Variants in PFKFB1 observed in about 807,000 individuals in gnomAD.
PFKFB1 encodes the protein 6-phosphofructo-2-kinase/fructose-2,6-biphosphatase 1.
In PFKFB1, 34 loss-of-function variants were observed where a neutral mutation model predicts 46.4. The observed-to-expected ratio is 0.73, with a 90% CI of 0.56 to 0.98. The LOEUF is 0.98. Among genes scored for constraint, PFKFB1 ranks in the 50% least tolerant of loss-of-function variants. The pLI, the probability that PFKFB1 is intolerant of heterozygous loss-of-function variation, is 0.00. For missense variants in PFKFB1, 393 were observed against 376.3 expected (o/e 1.04, Z -0.37); for synonymous variants, 119 against 133.8 (o/e 0.89, Z 0.76).
intron 1 of PFKFB1, among the ~76,000 whole-genome samples, chrX:54,981,674 C>A (rs1229925882): frequency 9.0e-6 from 1 of 111,592 alleles, no homozygotes; most frequent in African/African-American, 3.2e-5. Context: ...GTGTGTCAAA[C>A]TAAGCCAACA....
At chrX:54,936,573 C>T (rs1310343852) in intron 11 of PFKFB1, among the ~76,000 whole-genome samples, 3 of 111,632 alleles carry the variant, frequency 2.7e-5, no homozygotes, top group African/African-American at 9.8e-5. Flanking sequence ...CCCATTTCCT[C>T]ATCTGGACAA....
At chrX:54,973,273 G>A (rs372634986) in intron 1 of PFKFB1, among the ~76,000 whole-genome samples, 25 of 110,693 alleles carry the variant, frequency 2.3e-4, no homozygotes, top group East Asian at 1.7e-3. Flanking sequence ...CAATTTTGTT[G>A]ATCCTTTCAA....
At chrX:54,964,998 GA>G (rs1934435427) in intron 1 of PFKFB1, among the ~76,000 whole-genome samples, 4 of 110,779 alleles carry the variant, frequency 3.6e-5, no homozygotes, top group Non-Finnish European at 3.8e-5. Flanking sequence ...AATGCAAAGA[GA>G]AAAAAAGAGC....
intron 1 of PFKFB1, among the ~76,000 whole-genome samples, chrX:54,987,410 G>A (rs973775359): frequency 8.1e-5 from 9 of 111,171 alleles, no homozygotes; most frequent in Admixed American, 6.7e-4. Flanking sequence ...AGTAGAAGAG[G>A]AAGAAGCACT....
intron 1 of PFKFB1, among the ~76,000 whole-genome samples, chrX:54,974,268 G>C (rs1808569023): frequency 8.9e-6 from 1 of 112,091 alleles, no homozygotes; most frequent in African/African-American, 3.2e-5. Context: ...TAGAGCAATG[G>C]AACAAAATTC....
chrX:54,978,837 A>G lies in PFKFB1; in HGVS notation c.97+15074T>C, dbSNP rs1934900154. 3.6e-5 allele frequency among the ~76,000 whole-genome samples: 4 copies of G among 111,993 alleles called. No individual in the cohort carries two copies. The South Asian group carries it at 1.5e-3, about 41-fold the overall frequency. On this transcript the variant is annotated intron_variant, in intron 1 of 13. Coordinates refer to ENST00000375006, the MANE Select transcript of PFKFB1 (RefSeq NM_002625.4). ...ATGAGAAAATATCAGAAAATCTCAA[A>G]TTGAAGGTCATTTCACAAAACACTT...
At chrX:54,955,365 G>A (rs967014890) in intron 7 of PFKFB1, among the ~76,000 whole-genome samples, 14 of 110,908 alleles carry the variant, frequency 1.3e-4, no homozygotes, top group Non-Finnish European at 2.5e-4. Flanking sequence ...TCTCACTTGG[G>A]GTCTCTTCTC....
In PFKFB1 at chrX:54,963,360, A is replaced by G. The variant is rs1196295738; in HGVS notation, c.120T>C (p.Asn40=). Residue 40 remains asparagine, a synonymous_variant, in exon 2 of 14, where the codon AAT becomes AAC. Coordinates refer to ENST00000375006, the MANE Select transcript of PFKFB1 (RefSeq NM_002625.4). The stretch of plus-strand genomic sequence containing the variant: ...CCACCATGATCACCATTGTGGGGGA[A>G]TTGGTAAACTGGGGTATGGATGCTG... ...RRGSSIPQFT[N]SPTMVIMVGL... The G allele has an allele frequency of 1.7e-6, 2 of 1,208,278 alleles. No individual in the cohort carries two copies. Among genetic ancestry groups the G allele is most frequent in the African/African-American group, 3.5e-5 (2 of 57,194 alleles).
upstream of PFKFB1, among the ~76,000 whole-genome samples, chrX:54,998,189 C>T (rs762047257): frequency 2.3e-4 from 26 of 112,171 alleles, no homozygotes; most frequent in South Asian, 3.7e-4. Flanking sequence ...AGTGAATTGC[C>T]CTGGGGGCCA....
At chrX:54,941,450 C>T (rs1933629090) in intron 10 of PFKFB1, among the ~76,000 whole-genome samples, 1 of 112,028 alleles carries the variant, frequency 8.9e-6, no homozygotes, top group African/African-American at 3.3e-5. Flanking sequence ...TCAGAGTGAA[C>T]AGGCAACCTA....
At chrX:54,962,075 C>T (rs1934330345) in intron 2 of PFKFB1, among the ~76,000 whole-genome samples, 1 of 111,200 alleles carries the variant, frequency 9.0e-6, no homozygotes, top group African/African-American at 3.3e-5. Flanking sequence ...GCATGTTCAG[C>T]TTTGTGCTTT....
At chrX:54,963,208 A>G (rs1469618973) in intron 2 of PFKFB1, 49 bp downstream of exon 2, 6 of 1,192,562 alleles carry the variant, frequency 5.0e-6, no homozygotes, top group Non-Finnish European at 5.7e-6. Context: ...TAAGGTTTTC[A>G]GCCAGTAGCT....
At chrX:54,998,419 G>T, upstream of PFKFB1, 1 of 1,152,221 alleles carries the variant, frequency 8.7e-7, no homozygotes, top group African/African-American at 1.8e-5. Flanking sequence ...TTATTCTAGA[G>T]GTTTTTTCTT....
chrX:54,973,678 A>G (rs1471054909), intron 1 of PFKFB1, among the ~76,000 whole-genome samples: 4 of 110,851 alleles, frequency 3.6e-5, no homozygotes, highest in African/African-American at 9.9e-5. Flanking sequence ...CCTGAGTTCT[A>G]GTTTGATTGC....
intron 11 of PFKFB1, 74 bp downstream of exon 11, chrX:54,937,521 T>C: frequency 2.1e-6 from 2 of 959,204 alleles, no homozygotes; most frequent in South Asian, 2.3e-5. Context: ...ACTACTAAGA[T>C]ATAGATATCT....
rs374108276 is a variant in PFKFB1, at chrX:54,933,406, G to A, written c.1413C>T (p.Tyr471=). ...EEALDTVPAH[Y] is the part of the protein sequence containing the mutation. Reference sequence around the variant, plus strand: ...AGTTTGACTTCTTGGAAAGGGCTCAGTAGTGGGCTGGGACAGTATCCAGGG... The same window carrying A: ...AGTTTGACTTCTTGGAAAGGGCTCAATAGTGGGCTGGGACAGTATCCAGGG... The change falls in exon 14 of 14, where the codon TAC becomes TAT. Residue 471 remains tyrosine, a synonymous_variant. Coordinates refer to ENST00000375006, the MANE Select transcript of PFKFB1 (RefSeq NM_002625.4). 6 of 1,203,354 alleles carry A rather than the reference G, an allele frequency of 5.0e-6. No homozygotes were observed. Among genetic ancestry groups the A allele is most frequent in the Non-Finnish European group, 6.7e-6 (6 of 889,134 alleles).
chrX:54,940,410 A>AAG (rs1933578397), intron 10 of PFKFB1, among the ~76,000 whole-genome samples: 1 of 111,612 alleles, frequency 9.0e-6, no homozygotes, highest in African/African-American at 3.3e-5. Context: ...GGCAGGAGAG[A>AAG]GAAATAAAGG....
At chrX:54,934,431 G>A (rs1418469882) in intron 12 of PFKFB1, among the ~76,000 whole-genome samples, 2 of 111,351 alleles carry the variant, frequency 1.8e-5, no homozygotes, top group Non-Finnish European at 3.8e-5. Flanking sequence ...GGGGCTTGGG[G>A]CTGACAGAGG....
At chrX:54,943,016 T>A (rs1933693436) in intron 10 of PFKFB1, among the ~76,000 whole-genome samples, 1 of 110,271 alleles carries the variant, frequency 9.1e-6, no homozygotes, top group African/African-American at 3.3e-5. Context: ...GAGGCAGGAG[T>A]AACATACATC....
Sources: gnomAD v4.1 joint callset for allele counts (sites outside exome capture counted in the v4.1 genomes callset) on GRCh38, gnomAD v4.1.1 for gene constraint, MANE v1.5 for transcripts, NCBI Gene and HGNC (gene_info 2026-07-23, HGNC 2026-07-21) for gene names.